Variants in ROBO2 observed in about 807,000 individuals in gnomAD.
ROBO2 encodes roundabout homolog 2.
Under a neutral mutation model 160.8 loss-of-function variants are expected in ROBO2, and 53 were observed. The ratio of observed to expected loss-of-function variants is 0.33; its 90% CI spans 0.26 to 0.41. The LOEUF is 0.41. Among genes scored for constraint, ROBO2 ranks in the 10% least tolerant of loss-of-function variants. ROBO2 has a pLI of 1.00. For synonymous variants in ROBO2, 664 were observed against 611.7 expected, an observed-to-expected ratio of 1.09 and a Z score of -1.26; for missense variants, 1,577 against 1,722.4, an observed-to-expected ratio of 0.92 and a Z score of 1.49.
intron 2 of ROBO2, among the ~76,000 whole-genome samples, chr3:76,939,315 C>G (rs1577658686): frequency 6.6e-6 from 1 of 152,226 alleles, no homozygotes; most frequent in African/African-American, 2.4e-5. Context: ...TGTTTATTCT[C>G]TGATTTGGTA....
At chr3:76,362,527 C>A (rs191706947) in intron 2 of ROBO2, among the ~76,000 whole-genome samples, 178 of 152,108 alleles carry the variant, frequency 1.2e-3, no homozygotes, top group African/African-American at 4.1e-3. Flanking sequence ...AGGTGAATAA[C>A]CTCTCTAGAT....
chr3:76,886,482 C>T (rs1027056916), intron 2 of ROBO2, among the ~76,000 whole-genome samples: 5 of 151,994 alleles, frequency 3.3e-5, no homozygotes, highest in Admixed American at 6.6e-5. Flanking sequence ...GTCTGATACC[C>T]GGAGCCAAGT....
chr3:76,511,906 T>C lies in ROBO2; in HGVS notation c.109+574304T>C, dbSNP rs989689531. Among the ~76,000 whole-genome samples the C allele has an allele frequency of 2.4e-4, 36 of 152,182 alleles. 2 individuals are homozygous for C. The highest frequency in any genetic ancestry group is 6.5e-5 in the Admixed American group (1 of 15,280). On this transcript the variant is annotated intron_variant, in intron 2 of 26. Coordinates refer to the ROBO2 transcript ENST00000487694. ...TAATGAGGATCCAGTTGTTCATTTA[T>C]TGCCTGATTGTGAAATAGCCAAAAT...
intron 2 of ROBO2, among the ~76,000 whole-genome samples, chr3:77,012,580 G>A (rs765846641): frequency 6.6e-6 from 1 of 152,144 alleles, no homozygotes; most frequent in African/African-American, 2.4e-5. Context: ...GATAACCACT[G>A]GGTAAGTTAC....
intron 2 of ROBO2, among the ~76,000 whole-genome samples, chr3:76,807,755 G>A (rs1394775351): frequency 6.6e-6 from 1 of 151,996 alleles, no homozygotes; most frequent in Non-Finnish European, 1.5e-5. Flanking sequence ...TAGTGAAAGG[G>A]CATCAGTTAT....
rs570477891 is a variant in ROBO2, at chr3:76,891,664, G to C, written c.110-206350G>C. 6.6e-5 allele frequency among the ~76,000 whole-genome samples: 10 copies of C among 152,194 alleles called. 1 individual carries two copies. The South Asian group carries it at 2.1e-3, about 32-fold the overall frequency. On this transcript the variant is annotated intron_variant, in intron 2 of 26. Coordinates refer to the ROBO2 transcript ENST00000487694. The stretch of plus-strand genomic sequence containing the variant: ...TAGACAATCGAATCTAATGGTTTAC[G>C]CTTCAGAAAACTCACATGAATTGAA...
At chr3:77,397,618 G>A (rs1037641559) in intron 2 of ROBO2, among the ~76,000 whole-genome samples, 7 of 152,066 alleles carry the variant, frequency 4.6e-5, no homozygotes, top group Non-Finnish European at 7.4e-5. Context: ...TGGCAAAAAT[G>A]TATATCTTTC....
chr3:76,972,940 C>T (rs2059641337), intron 2 of ROBO2, among the ~76,000 whole-genome samples: 1 of 152,128 alleles, frequency 6.6e-6, no homozygotes, highest in African/African-American at 2.4e-5. Context: ...CAACTGCTAA[C>T]AAGTCCATAG....
chr3:77,129,467 G>A (rs1241426444), intron 2 of ROBO2, among the ~76,000 whole-genome samples: 3 of 152,190 alleles, frequency 2.0e-5, no homozygotes, highest in Non-Finnish European at 2.9e-5. Flanking sequence ...GGGATTTGAC[G>A]AACTCTTGGA....
intron 2 of ROBO2, among the ~76,000 whole-genome samples, chr3:76,690,000 T>C (rs1440024867): frequency 6.6e-6 from 1 of 152,056 alleles, no homozygotes; most frequent in Non-Finnish European, 1.5e-5. Flanking sequence ...ACTCCCACAA[T>C]AGGTGAAATA....
intron 2 of ROBO2, among the ~76,000 whole-genome samples, chr3:77,029,733 G>A (rs1049716146): frequency 2.0e-5 from 3 of 152,112 alleles, no homozygotes; most frequent in Non-Finnish European, 4.4e-5. Context: ...AATTAAAAAT[G>A]TGCTAAAATG....
intron 2 of ROBO2, among the ~76,000 whole-genome samples, chr3:76,779,149 T>C (rs1441976214): frequency 6.6e-6 from 1 of 151,082 alleles, no homozygotes; most frequent in African/African-American, 2.4e-5. Flanking sequence ...TTGGCACATA[T>C]TATTTTCTTC....
intron 2 of ROBO2, among the ~76,000 whole-genome samples, chr3:77,392,293 T>G (rs2074815847): frequency 6.6e-6 from 1 of 152,202 alleles, no homozygotes; most frequent in African/African-American, 2.4e-5. Context: ...TGTTCTTCAT[T>G]TGTGCAAACT....
intron 1 of ROBO2, among the ~76,000 whole-genome samples, chr3:77,060,220 A>C (rs1400630012): frequency 6.6e-6 from 1 of 152,150 alleles, no homozygotes; most frequent in Non-Finnish European, 1.5e-5. Flanking sequence ...TCATGCACAG[A>C]TCAGGAATGA....
chr3:77,120,106 T>C (rs62251799), intron 2 of ROBO2, among the ~76,000 whole-genome samples: 30,503 of 152,160 alleles, frequency 0.2, 4,666 homozygotes, highest in African/African-American at 0.42. Context: ...TTGATTTCTA[T>C]ACTGAAATTC....
intron 2 of ROBO2, among the ~76,000 whole-genome samples, chr3:76,074,563 T>G (rs2068581472): frequency 1.3e-5 from 2 of 152,102 alleles, no homozygotes; most frequent in African/African-American, 2.4e-5. Context: ...TTTCTTAATA[T>G]CTCATCAGGA....
intron 14 of ROBO2, 29 bp from the exon 16 acceptor site, chr3:77,577,461 T>G (rs759329648): frequency 6.2e-7 from 1 of 1,613,066 alleles, no homozygotes; most frequent in Admixed American, 1.7e-5. Flanking sequence ...GCTTATAGTT[T>G]GCATTTATTC....
intron 5 of ROBO2, among the ~76,000 whole-genome samples, chr3:77,519,427 A>G (rs1302439726): frequency 6.6e-6 from 1 of 151,282 alleles, no homozygotes; most frequent in Non-Finnish European, 1.5e-5. Context: ...TGTGACAGTG[A>G]GGTTTGGGGT....
rs1271064164 is a variant in ROBO2, at chr3:76,272,972, A to T, written c.109+335370A>T. Among the ~76,000 whole-genome samples the T allele has an allele frequency of 6.7e-5, 4 of 59,454 alleles. 1 individual carries two copies. Among genetic ancestry groups the T allele is most frequent in the African/African-American group, 1.6e-4 (3 of 18,204 alleles). The allele number at this position is 59,454 out of a possible 152,430, so 39.0% of individuals were successfully genotyped here. On this transcript the variant is annotated intron_variant, in intron 2 of 26. Transcript: ENST00000487694. ...ATATATAATATATATTTATATATAAAATATATATAATATATAATATATAAT... is the reference window on the plus strand; with the variant it reads ...ATATATAATATATATTTATATATAATATATATATAATATATAATATATAAT...
Sources: allele counts gnomAD v4.1 joint callset (sites outside exome capture counted in the v4.1 genomes callset), GRCh38; gene constraint gnomAD v4.1.1; transcripts MANE v1.5; gene names NCBI Gene and HGNC (gene_info 2026-07-23, HGNC 2026-07-21).